MZT2A: variants seen among roughly 807,000 people sequenced by gnomAD.
MZT2A encodes mitotic spindle organizing protein 2A, also known as mitotic-spindle organizing protein 2A.
MZT2A carries 8 observed loss-of-function variants against 12.4 expected under a neutral mutation model. The observed-to-expected ratio is 0.64, with a 90% CI of 0.38 to 1.16. The LOEUF is 1.16. Ranked by LOEUF, MZT2A falls within the 50% of genes most tolerant of loss-of-function variation. The pLI, the probability that MZT2A is intolerant of heterozygous loss-of-function variation, is 0.01. For missense variants in MZT2A, 181 were observed against 223.6 expected (o/e 0.81, Z 1.22); for synonymous variants, 88 against 107.5 (o/e 0.82, Z 1.12).
At chr2:131,488,110 G>A (rs1352347775) in intron 2 of MZT2A, among the ~76,000 whole-genome samples, 1 of 152,132 alleles carries the variant, frequency 6.6e-6, no homozygotes, top group African/African-American at 2.4e-5. Flanking sequence ...CAATGACCAC[G>A]CCAGCCATGT....
At chr2:131,486,908 C>T (rs537659245) in intron 2 of MZT2A, among the ~76,000 whole-genome samples, 1 of 152,262 alleles carries the variant, frequency 6.6e-6, no homozygotes, top group South Asian at 2.1e-4. Flanking sequence ...TGCGTGCTCT[C>T]GGGGCTAGTG....
At chr2:131,476,764 T>C (rs924122485) in intron 2 of MZT2A, among the ~76,000 whole-genome samples, 1 of 151,692 alleles carries the variant, frequency 6.6e-6, no homozygotes, top group Non-Finnish European at 1.5e-5. Context: ...CGAAACCCAG[T>C]CTCTACAAAA....
At chr2:131,485,007 G>T (rs1678999517) in intron 2 of MZT2A, among the ~76,000 whole-genome samples, 1 of 152,194 alleles carries the variant, frequency 6.6e-6, no homozygotes. Flanking sequence ...ATTTCCCTGG[G>T]CTCAGGGTGT....
chr2:131,493,281 G>T, upstream of MZT2A: 1 of 1,332,052 alleles, frequency 7.5e-7, no homozygotes, highest in Non-Finnish European at 9.6e-7. Flanking sequence ...GCAGGCTGGG[G>T]AGTGGAGGGC....
intron 2 of MZT2A, among the ~76,000 whole-genome samples, chr2:131,472,501 T>C (rs987927168): frequency 2.6e-5 from 4 of 152,252 alleles, no homozygotes; most frequent in Non-Finnish European, 5.9e-5. Context: ...GTTACTTTTA[T>C]AATCAGAAAA....
At chr2:131,481,721 C>T (rs537677013), downstream of MZT2A, among the ~76,000 whole-genome samples, 3 of 152,320 alleles carry the variant, frequency 2.0e-5, no homozygotes, top group South Asian at 6.2e-4. Flanking sequence ...GCACGAGCCA[C>T]TGCACCCAGC....
chr2:131,476,028 G>T, intron 2 of MZT2A: 1 of 1,260,210 alleles, frequency 7.9e-7, no homozygotes, highest in Non-Finnish European at 1.1e-6. Context: ...AATCAGAACT[G>T]GGATCCGGCC....
Position 131,491,974 on chromosome 2 carries a change from T to C in MZT2A, c.221A>G (p.Gln74Arg), listed in dbSNP as rs993100449. Residue 74 changes from glutamine to arginine, a missense_variant, in exon 2 of 3, where the codon CAG (glutamine) becomes CGG (arginine). Physicochemically the swap from Gln to Arg is conservative, Grantham distance 43. Transcript: ENST00000309451. ...KLNVAPLAVF[Q>R]MLKSMCAGQR... ...CCCGGCACACATGGACTTGAGCATC[T>C]GGAAGACGGCGAGGGGGGCCACGTT... The C allele has an allele frequency of 5.0e-5, 78 of 1,551,688 alleles. No homozygotes were observed. The highest frequency in any genetic ancestry group is 6.2e-5 in the Non-Finnish European group (71 of 1,147,756).
At chr2:131,475,989 GTC>G in intron 2 of MZT2A, 1 of 859,582 alleles carries the variant, frequency 1.2e-6, no homozygotes, top group Non-Finnish European at 1.7e-6. Context: ...ATCAGAGAGC[GTC>G]CCCAGTACAC....
downstream of MZT2A, chr2:131,483,917 T>C: frequency 7.1e-7 from 1 of 1,413,046 alleles, no homozygotes; most frequent in South Asian, 1.8e-5. Context: ...TCATTCTAAG[T>C]GTGCCTTAAT....
chr2:131,488,836 C>A (rs60415628), intron 2 of MZT2A, among the ~76,000 whole-genome samples: 8 of 152,048 alleles, frequency 5.3e-5, no homozygotes, highest in Non-Finnish European at 1.5e-5. Context: ...ACACAGCCCT[C>A]GAGAAACAAA....
chr2:131,484,364 C>T, intron 2 of MZT2A, 146 bp from the exon 3 acceptor site: 2 of 1,314,938 alleles, frequency 1.5e-6, no homozygotes, highest in Non-Finnish European at 2.1e-6. Flanking sequence ...AGCCCCAAGT[C>T]CTGAGACTCA....
chr2:131,490,708 G>A (rs201016611), intron 2 of MZT2A: 21 of 1,549,676 alleles, frequency 1.4e-5, no homozygotes, highest in Middle Eastern at 1.7e-4. Flanking sequence ...GCCAATAAAC[G>A]CAACCTGCAA....
At chr2:131,475,957 C>A in intron 2 of MZT2A, 2 of 716,946 alleles carry the variant, frequency 2.8e-6, no homozygotes, top group Non-Finnish European at 4.5e-6. Context: ...CCCCCGCTGC[C>A]TTCCCGCCAA....
intron 2 of MZT2A, among the ~76,000 whole-genome samples, chr2:131,476,901 C>G (rs1038506683): frequency 6.8e-6 from 1 of 147,720 alleles, no homozygotes; most frequent in African/African-American, 2.6e-5. Flanking sequence ...CGCCAGTGCA[C>G]TCCAGCCTGG....
rs1288851354 is a variant in MZT2A at position 131,491,929 on chromosome 2, G to A, written c.266C>T (p.Pro89Leu). The A allele has an allele frequency of 6.5e-7, 1 of 1,536,520 alleles. No homozygotes were observed. The highest frequency in any genetic ancestry group is 2.5e-5 in the East Asian group (1 of 40,776). The change falls in exon 2 of 3, where the codon CCC (proline) becomes CTC (leucine). Residue 89 changes from proline to leucine, a missense_variant. By Grantham distance (98) the Pro-to-Leu change is moderately conservative. Transcript: ENST00000309451. ...MCAGQRLASEPQDPAAVSLPT... is the reference protein window; with the variant it reads ...MCAGQRLASELQDPAAVSLPT... Reference sequence around the variant, plus strand: ...CAGAGACACGGCCGCAGGGTCCTGGGGCTCGCTCGCTAGCCTCTGCCCGGC... The same window carrying A: ...CAGAGACACGGCCGCAGGGTCCTGGAGCTCGCTCGCTAGCCTCTGCCCGGC...
chr2:131,490,098 G>T (rs1679227123), intron 2 of MZT2A: 1 of 757,678 alleles, frequency 1.3e-6, no homozygotes, highest in Non-Finnish European at 1.6e-6. Flanking sequence ...CTGGGTGGCA[G>T]TGAGGTGGCC....
At chr2:131,482,915 A>G, downstream of MZT2A, 1 of 1,568,684 alleles carries the variant, frequency 6.4e-7, no homozygotes, top group Non-Finnish European at 8.6e-7. Flanking sequence ...TTTGCAATTA[A>G]AGGTTCTGTA....
rs71428582 is a variant in MZT2A at position 131,470,298 on chromosome 2, G to A, written c.*18C>T. 8,301 of 1,200,648 alleles carry A rather than the reference G, an allele frequency of 6.9e-3. 79 individuals carry two copies. Among genetic ancestry groups the A allele is most frequent in the Middle Eastern group, 0.032 (144 of 4,438 alleles). 74.4% of individuals were successfully genotyped at this position (1,200,648 alleles called of 1,614,324 possible). A position where few individuals can be genotyped will look rare whatever the true frequency, so the allele number is the denominator to read the frequency against. On this transcript the variant is annotated 3_prime_UTR_variant and NMD_transcript_variant, in exon 4 of 5. Transcript: ENST00000427024. ...TTTTGCTGCTGATGGGCATCTTTCA[G>A]TTCTTTGGCTTGGGATTTCAATGTC...
Sources: allele counts gnomAD v4.1 joint callset (sites outside exome capture counted in the v4.1 genomes callset), GRCh38; gene constraint gnomAD v4.1.1; transcripts MANE v1.5; gene names NCBI Gene and HGNC (gene_info 2026-07-23, HGNC 2026-07-21).